The following TENM2 variants were observed in gnomAD, a reference collection of about 807,000 sequenced individuals.
TENM2 encodes the protein teneurin-2.
TENM2 carries 52 observed loss-of-function variants against 245.2 expected under a neutral mutation model. That is an observed-to-expected ratio of 0.21 (90% CI 0.17 to 0.27). The LOEUF (loss-of-function observed/expected upper bound fraction) is 0.27, where lower values mean the gene tolerates loss of function less well. Ranked by LOEUF, TENM2 falls within the 10% of genes least tolerant of loss-of-function variation. The probability of loss-of-function intolerance (pLI) is 1.00; values close to 1 mark genes in which losing one functional copy is unlikely to be tolerated. For missense variants in TENM2, 3,046 were observed against 3,666.8 expected, an observed-to-expected ratio of 0.83 and a Z score of 4.37; for synonymous variants, 1,363 against 1,438.9, an observed-to-expected ratio of 0.95 and a Z score of 1.19.
intron 2 of TENM2, among the ~76,000 whole-genome samples, chr5:167,536,898 C>A (rs1168347387): frequency 6.6e-6 from 1 of 151,890 alleles, no homozygotes; most frequent in African/African-American, 2.4e-5. Flanking sequence ...GTGGCGGGTG[C>A]CTGTAATCCC....
At chr5:167,383,019 G>T (rs947589788) in intron 2 of TENM2, among the ~76,000 whole-genome samples, 1 of 152,012 alleles carries the variant, frequency 6.6e-6, no homozygotes, top group Non-Finnish European at 1.5e-5. Context: ...AATTTGGGGT[G>T]GGGGGACTTA....
At chr5:168,263,272 CAT>C (rs2152726568), downstream of TENM2, 1 of 158,140 alleles carries the variant, frequency 6.3e-6, no homozygotes, top group South Asian at 1.9e-4. Flanking sequence ...CACTCATTCA[CAT>C]GTGAGCGACA....
At chr5:168,160,307 C>T (rs889538856) in intron 12 of TENM2, among the ~76,000 whole-genome samples, 1 of 152,196 alleles carries the variant, frequency 6.6e-6, no homozygotes, top group East Asian at 1.9e-4. Flanking sequence ...CTCCACACAC[C>T]GTCTCACGGT....
intron 7 of TENM2, among the ~76,000 whole-genome samples, chr5:168,074,658 T>C (rs1485100447): frequency 1.3e-5 from 2 of 152,140 alleles, no homozygotes; most frequent in Non-Finnish European, 2.9e-5. Flanking sequence ...ACCAGTCTCC[T>C]CCTCACTCCC....
intron 2 of TENM2, among the ~76,000 whole-genome samples, chr5:167,873,312 C>A (rs999479327): frequency 6.6e-6 from 1 of 152,200 alleles, no homozygotes; most frequent in South Asian, 2.1e-4. Context: ...GAGATGGGAA[C>A]GCAGAAACGT....
intron 2 of TENM2, among the ~76,000 whole-genome samples, chr5:167,749,916 T>C (rs1761846376): frequency 6.6e-6 from 1 of 152,156 alleles, no homozygotes; most frequent in African/African-American, 2.4e-5. Flanking sequence ...AAACTTGGGA[T>C]CTGGAACTGG....
At chr5:167,233,694 T>C in the TENM2 span, among the ~76,000 whole-genome samples, 3 of 152,118 alleles carry the variant, frequency 2.0e-5, no homozygotes, top group African/African-American at 7.2e-5. Flanking sequence ...ATTTCATTTT[T>C]CCCCTAAGTA....
At chr5:167,752,249 C>T (rs1257736360) in intron 2 of TENM2, among the ~76,000 whole-genome samples, 1 of 150,594 alleles carries the variant, frequency 6.6e-6, no homozygotes, top group African/African-American at 2.4e-5. Flanking sequence ...TGCCCGCCAC[C>T]ATGCCCAGCT....
the TENM2 span, among the ~76,000 whole-genome samples, chr5:167,186,738 TC>T: frequency 6.6e-6 from 1 of 152,172 alleles, no homozygotes; most frequent in Non-Finnish European, 1.5e-5. Context: ...AAATCGACAA[TC>T]CAGCCCCTGG....
chr5:168,263,037 A>G (rs1264752622), downstream of TENM2: 12 of 498,852 alleles, frequency 2.4e-5, no homozygotes, highest in East Asian at 3.6e-4. Context: ...GGAAAACAAA[A>G]CAAACGAATG....
chr5:167,120,358 G>C, the TENM2 span, among the ~76,000 whole-genome samples: 1 of 152,316 alleles, frequency 6.6e-6, no homozygotes, highest in East Asian at 1.9e-4. Flanking sequence ...CACGAGAGAA[G>C]TGAGGCTGGA....
chr5:167,193,389 T>G, the TENM2 span, among the ~76,000 whole-genome samples: 1 of 151,956 alleles, frequency 6.6e-6, no homozygotes, highest in Non-Finnish European at 1.5e-5. Context: ...GCAGGGGATA[T>G]CTTTGTTTTC....
chr5:167,030,862 C>G, the TENM2 span, among the ~76,000 whole-genome samples: 1 of 152,174 alleles, frequency 6.6e-6, no homozygotes, highest in Non-Finnish European at 1.5e-5. Flanking sequence ...CTTCCTCCCT[C>G]TCACTTTCTG....
At chr5:168,082,793 T>C (rs924713167) in intron 7 of TENM2, among the ~76,000 whole-genome samples, 8 of 152,198 alleles carry the variant, frequency 5.3e-5, no homozygotes, top group African/African-American at 1.9e-4. Flanking sequence ...CAAATGTTGC[T>C]GCCTGATCCT....
intron 18 of TENM2, 40 bp from the exon 21 acceptor site, chr5:168,204,332 G>T: frequency 1.9e-6 from 3 of 1,595,572 alleles, no homozygotes; most frequent in South Asian, 2.2e-5. Flanking sequence ...GTCTTCCCCA[G>T]AGGGCTTCAG....
chr5:167,863,405 G>A (rs1052088727), intron 2 of TENM2, among the ~76,000 whole-genome samples: 4 of 151,830 alleles, frequency 2.6e-5, no homozygotes, highest in African/African-American at 4.8e-5. Context: ...GCCTGGGGTC[G>A]GGAGTTTGAG....
chr5:167,287,602 A>G (rs1754364466), intron 1 of TENM2: 1 of 152,172 alleles, frequency 6.6e-6, no homozygotes. Flanking sequence ...TTGTCCAGTT[A>G]CCCCAGCTGG....
intron 2 of TENM2, among the ~76,000 whole-genome samples, chr5:167,461,799 A>G (rs1766309023): frequency 6.6e-6 from 1 of 152,210 alleles, no homozygotes; most frequent in Non-Finnish European, 1.5e-5. Flanking sequence ...TTCTGGTAAC[A>G]TGATTCTAAT....
chr5:167,001,038 G>C, the TENM2 span, among the ~76,000 whole-genome samples: 3 of 152,088 alleles, frequency 2.0e-5, no homozygotes, highest in Non-Finnish European at 2.9e-5. Context: ...TTGATTGATT[G>C]ATTGATTTGT....
Sources: allele counts gnomAD v4.1 joint callset (sites outside exome capture counted in the v4.1 genomes callset), GRCh38; gene constraint gnomAD v4.1.1; transcripts MANE v1.5; gene names NCBI Gene and HGNC (gene_info 2026-07-23, HGNC 2026-07-21).